The following CACNA2D2 variants were observed in gnomAD, a reference collection of about 807,000 sequenced individuals.
The protein encoded by CACNA2D2 is voltage-dependent calcium channel subunit alpha-2/delta-2.
In CACNA2D2, 48 loss-of-function variants were observed where a neutral mutation model predicts 166.4. The observed-to-expected ratio is 0.29, with a 90% CI of 0.23 to 0.37. CACNA2D2 has a LOEUF of 0.37. CACNA2D2 is among the 10% of genes least tolerant of loss of function. The pLI, the probability that CACNA2D2 is intolerant of heterozygous loss-of-function variation, is 1.00. For missense variants in CACNA2D2, 1,122 were observed against 1,433.0 expected, an observed-to-expected ratio of 0.78 and a Z score of 3.50; for synonymous variants, 561 against 573.7, an observed-to-expected ratio of 0.98 and a Z score of 0.32.
chr3:50,498,440 C>A (rs1049949649), intron 1 of CACNA2D2, among the ~76,000 whole-genome samples: 1 of 152,176 alleles, frequency 6.6e-6, no homozygotes, highest in Non-Finnish European at 1.5e-5. Context: ...CCTTTCTCTC[C>A]GGAATCAGAC....
intron 2 of CACNA2D2, among the ~76,000 whole-genome samples, chr3:50,460,991 A>C (rs1709563273): frequency 6.6e-6 from 1 of 152,184 alleles, no homozygotes; most frequent in African/African-American, 2.4e-5. Flanking sequence ...AAAAATAAAA[A>C]AGAACAGGGC....
chr3:50,494,604 T>A (rs181309544), intron 1 of CACNA2D2, among the ~76,000 whole-genome samples: 17 of 152,266 alleles, frequency 1.1e-4, no homozygotes, highest in Middle Eastern at 3.4e-3. Context: ...CACATAGACA[T>A]CTTGCCCTTC....
chr3:50,367,525 G>A lies in CACNA2D2; in HGVS notation c.2298-28C>T, dbSNP rs985772239. The A allele has an allele frequency of 6.2e-7, 1 of 1,610,742 alleles. No individual in the cohort carries two copies. The highest frequency in any genetic ancestry group is 1.3e-5 in the African/African-American group (1 of 74,982). On this transcript the variant is annotated intron_variant, in intron 26 of 37. Coordinates refer to ENST00000424201, the MANE Select transcript of CACNA2D2 (RefSeq NM_006030.4). The surrounding 1 kb of genome is among the most constrained non-coding windows in gnomAD (Gnocchi z 6.5). ...GGAGCACCCAAGAGGCAGACTGGTA[G>A]GTAAGGGGTGGCTTGTCGGGGACAG...
At chr3:50,420,680 G>T (rs1301726394) in intron 3 of CACNA2D2, among the ~76,000 whole-genome samples, 1 of 152,200 alleles carries the variant, frequency 6.6e-6, no homozygotes, top group Non-Finnish European at 1.5e-5. Flanking sequence ...TGTCTGACAG[G>T]TAGGTGGACG....
intron 3 of CACNA2D2, among the ~76,000 whole-genome samples, chr3:50,422,234 G>A (rs931969835): frequency 6.6e-6 from 1 of 152,054 alleles, no homozygotes; most frequent in Non-Finnish European, 1.5e-5. Flanking sequence ...CCCACTTCCT[G>A]TGGACTGGAG....
intron 3 of CACNA2D2, among the ~76,000 whole-genome samples, chr3:50,428,165 A>G (rs1055138496): frequency 6.6e-6 from 1 of 152,130 alleles, no homozygotes; most frequent in Non-Finnish European, 1.5e-5. Flanking sequence ...ATTTTTGGTC[A>G]TGACAACTGG....
intron 3 of CACNA2D2, among the ~76,000 whole-genome samples, chr3:50,402,705 A>G (rs1275458225): frequency 6.6e-6 from 1 of 152,210 alleles, no homozygotes; most frequent in African/African-American, 2.4e-5. Flanking sequence ...CTGGCACCCC[A>G]GCATGAAACT....
intron 1 of CACNA2D2, among the ~76,000 whole-genome samples, chr3:50,479,015 G>A (rs1201508936): frequency 7.9e-5 from 12 of 152,116 alleles, no homozygotes; most frequent in Admixed American, 7.9e-4. Context: ...GAAGAGACAT[G>A]GATGCCAAGT....
chr3:50,503,929 G>A (rs1305024725), upstream of CACNA2D2: 1 of 151,508 alleles, frequency 6.6e-6, no homozygotes, highest in East Asian at 2.0e-4. Context: ...GAAGAGTCCC[G>A]GGCCCCGCGG....
At chr3:50,384,386 T>C (rs760757509) in intron 5 of CACNA2D2, 49 bp from the exon 6 acceptor site, 3 of 1,605,426 alleles carry the variant, frequency 1.9e-6, no homozygotes, top group African/African-American at 1.3e-5. Flanking sequence ...AAATGGTGAA[T>C]TGGGTTGTAG....
intron 22 of CACNA2D2, 106 bp from the exon 23 acceptor site, chr3:50,370,486 AG>A: frequency 8.9e-6 from 1 of 111,902 alleles, no homozygotes; most frequent in Admixed American, 1.1e-4. Context: ...GGCTGGAGGG[AG>A]GGGGAGACAC....
intron 2 of CACNA2D2, among the ~76,000 whole-genome samples, chr3:50,463,874 C>T (rs1004936287): frequency 3.3e-5 from 5 of 152,248 alleles, no homozygotes; most frequent in Non-Finnish European, 7.3e-5. Flanking sequence ...GCACTGCAGA[C>T]CTCATGCCAA....
chr3:50,366,820 T>G lies in CACNA2D2; in HGVS notation c.2589+11A>C. 6.2e-7 allele frequency: 1 copy of G among 1,612,956 alleles called. No individual in the cohort carries two copies. On this transcript the variant is annotated intron_variant, in intron 29 of 37. Transcript: ENST00000424201. The surrounding 1 kb of genome is among the most constrained non-coding windows in gnomAD (Gnocchi z 5.9). ...ACTGCTGGGTTACTGCCCCCGCCCC[T>G]GCCCAAATACCTTCTGAGGCTGGTC...
At chr3:50,399,432 G>A (rs1193353731) in intron 3 of CACNA2D2, among the ~76,000 whole-genome samples, 2 of 152,308 alleles carry the variant, frequency 1.3e-5, no homozygotes, top group East Asian at 3.9e-4. Context: ...GAGATCTAGG[G>A]CACTGAGGGC....
chr3:50,481,817 G>GA (rs1698068032), intron 1 of CACNA2D2, among the ~76,000 whole-genome samples: 1 of 152,074 alleles, frequency 6.6e-6, no homozygotes, highest in African/African-American at 2.4e-5. Flanking sequence ...GCAACACGGT[G>GA]AAACCCTGTC....
chr3:50,375,871 T>A lies in CACNA2D2; in HGVS notation c.1783A>T (p.Ser595Cys), dbSNP rs147739443. ...EDENKEEIRR[S>C]MIDGNKGHKQ... ...TGGCCCTTGTTGCCATCAATCATGC[T>A]CCGACGGATCTGGAAGGGCCAGAGA... Residue 595 changes from serine (S) to cysteine (C), a missense_variant, in exon 20 of 38, where the codon AGC (serine) becomes TGC (cysteine). Ser to Cys is a moderately radical substitution (Grantham distance 112, BLOSUM62 -1). Coordinates refer to ENST00000424201, the MANE Select transcript of CACNA2D2 (RefSeq NM_006030.4). The surrounding 1 kb of genome is among the most constrained non-coding windows in gnomAD (Gnocchi z 4.0). 3.7e-5 allele frequency: 60 copies of A among 1,612,884 alleles called. No homozygotes were observed. Among genetic ancestry groups the A allele is most frequent in the Non-Finnish European group, 4.9e-5 (58 of 1,179,986 alleles).
intron 2 of CACNA2D2, among the ~76,000 whole-genome samples, chr3:50,448,881 G>C (rs1262377238): frequency 6.6e-6 from 1 of 152,148 alleles, no homozygotes; most frequent in African/African-American, 2.4e-5. Flanking sequence ...CATTGATGGC[G>C]CAGGCTGCAA....
At chr3:50,472,466 A>G (rs1234679337) in intron 2 of CACNA2D2, among the ~76,000 whole-genome samples, 3 of 152,136 alleles carry the variant, frequency 2.0e-5, no homozygotes, top group African/African-American at 7.2e-5. Flanking sequence ...CTGGCCAGGC[A>G]GCTCTAGCCT....
intron 23 of CACNA2D2, among the ~76,000 whole-genome samples, chr3:50,370,078 G>A (rs1282726901): frequency 4.6e-5 from 7 of 152,230 alleles, no homozygotes; most frequent in Non-Finnish European, 1.5e-5. Flanking sequence ...CAGCAGATGA[G>A]TCTGGAGCCC....
Sources: gnomAD v4.1 joint callset for allele counts (sites outside exome capture counted in the v4.1 genomes callset) on GRCh38, gnomAD v4.1.1 for gene constraint, Gnocchi (gnomAD v3.1) non-coding constraint, MANE v1.5 for transcripts, NCBI Gene and HGNC (gene_info 2026-07-23, HGNC 2026-07-21) for gene names.